Variants in UBN2 observed in about 807,000 individuals in gnomAD.
UBN2 encodes ubinuclein-2.
In UBN2, 35 loss-of-function variants were observed where a neutral mutation model predicts 120.2. The ratio of observed to expected loss-of-function variants is 0.29; its 90% CI spans 0.22 to 0.39. The LOEUF (loss-of-function observed/expected upper bound fraction) is 0.39, where lower values mean the gene tolerates loss of function less well. Among genes scored for constraint, UBN2 ranks in the 10% least tolerant of loss-of-function variants. The probability of loss-of-function intolerance (pLI) is 1.00; values close to 1 mark genes in which losing one functional copy is unlikely to be tolerated. For synonymous variants in UBN2, 661 were observed against 648.7 expected (o/e 1.02, Z -0.29); for missense variants, 1,693 against 1,663.2 (o/e 1.02, Z -0.31).
chr7:139,236,306 T>C (rs1796161512), intron 1 of UBN2, among the ~76,000 whole-genome samples: 1 of 152,246 alleles, frequency 6.6e-6, no homozygotes, highest in Non-Finnish European at 1.5e-5. Context: ...ATTTCTCTTT[T>C]CTAGCTTTGT....
the UBN2 span, among the ~76,000 whole-genome samples, chr7:139,314,716 C>T: frequency 6.6e-6 from 1 of 151,892 alleles, no homozygotes; most frequent in Non-Finnish European, 1.5e-5. Context: ...GAACTCCTGA[C>T]TTCAGGGGAT....
rs1198278565 is a variant in UBN2, at chr7:139,306,035, T to C, written c.*8199T>C. On this transcript the variant is annotated 3_prime_UTR_variant, in exon 18 of 18. Transcript: ENST00000473989. ...TGCTAATAATAATATAATGATTTTA[T>C]TGTAAATCTGTGTTTTAAATATTTT... The C allele has an allele frequency of 6.6e-6, 1 of 152,236 alleles. No homozygotes were observed. Among genetic ancestry groups the C allele is most frequent in the African/African-American group, 2.4e-5 (1 of 41,462 alleles). 9.4% of individuals were successfully genotyped at this position (152,236 alleles called of 1,614,324 possible). A position where few individuals can be genotyped will look rare whatever the true frequency, so the allele number is the denominator to read the frequency against.
chr7:139,312,355 G>A (rs1002051119), downstream of UBN2, among the ~76,000 whole-genome samples: 8 of 152,134 alleles, frequency 5.3e-5, no homozygotes, highest in East Asian at 5.8e-4. Flanking sequence ...GTTGCTATGC[G>A]TACATTTAGG....
chr7:139,329,854 CA>C, the UBN2 span, among the ~76,000 whole-genome samples: 129 of 152,198 alleles, frequency 8.5e-4, no homozygotes, highest in African/African-American at 2.9e-3. Flanking sequence ...GGGCCACTAA[CA>C]TAACTGGAAA....
chr7:139,293,562 G>T, intron 16 of UBN2, 99 bp downstream of exon 16: 8 of 902,824 alleles, frequency 8.9e-6, no homozygotes, highest in Non-Finnish European at 1.3e-5. Context: ...TGGAGTTAAT[G>T]AAGATTATAG....
the UBN2 span, among the ~76,000 whole-genome samples, chr7:139,327,085 A>G: frequency 1.3e-5 from 2 of 152,126 alleles, no homozygotes; most frequent in African/African-American, 2.4e-5. Flanking sequence ...CCAGGCTGGA[A>G]TGCAATGGCG....
At chr7:139,242,690 A>C (rs1294960041) in intron 2 of UBN2, among the ~76,000 whole-genome samples, 1 of 152,228 alleles carries the variant, frequency 6.6e-6, no homozygotes, top group Admixed American at 6.5e-5. Flanking sequence ...AATTGAATAA[A>C]TTCTCTTCAG....
the UBN2 span, among the ~76,000 whole-genome samples, chr7:139,324,752 C>T: frequency 2.0e-5 from 3 of 152,050 alleles, no homozygotes; most frequent in Admixed American, 2.0e-4. Flanking sequence ...GGGCAGATCT[C>T]CTCAGGTCAG....
chr7:139,283,312 G>A lies in UBN2; in HGVS notation c.2407G>A (p.Glu803Lys). Residue 803 changes from glutamate (E) to lysine (K), a missense_variant, in exon 15 of 18, where the codon GAA becomes AAA. Glu to Lys is a moderately conservative substitution (Grantham distance 56). Transcript: ENST00000473989. Reference sequence around the variant, plus strand: ...CACAAAGCCTCGTCCAGGACTGAGAGAAGAAAAATTAGCAAGTATCATGAG... The same window carrying A: ...CACAAAGCCTCGTCCAGGACTGAGAAAAGAAAAATTAGCAAGTATCATGAG... ...PTTKPRPGLR[E>K]EKLASIMSKL... The A allele has an allele frequency of 1.9e-6, 3 of 1,613,952 alleles. No homozygotes were observed. The highest frequency in any genetic ancestry group is 2.5e-6 in the Non-Finnish European group (3 of 1,180,008).
Position 139,261,331 on chromosome 7 carries a change from A to G in UBN2, c.985A>G (p.Arg329Gly), listed in dbSNP as rs751052666. ...KDSLSLAAMI[R>G]KFQKEKDALK... ...TTCTCTTTCTCTAGCTGCCATGATTAGAAAATTCCAGAAAGAGAAGGATGC... is the reference window on the plus strand; with the variant it reads ...TTCTCTTTCTCTAGCTGCCATGATTGGAAAATTCCAGAAAGAGAAGGATGC... The change falls in exon 6 of 18, where the codon AGA becomes GGA. Residue 329 changes from arginine to glycine, a missense_variant. By Grantham distance (125) the Arg-to-Gly change is moderately radical. Around this residue, in one of 5 missense-constraint regions of UBN2, gnomAD observed 663 missense variants for 591.2 expected, o/e 1.12. Transcript: ENST00000473989. The G allele has an allele frequency of 1.2e-6, 2 of 1,614,232 alleles. No individual in the cohort carries two copies. The highest frequency in any genetic ancestry group is 2.2e-5 in the South Asian group (2 of 91,086).
At chr7:139,317,484 T>TA in the UBN2 span, among the ~76,000 whole-genome samples, 1 of 152,302 alleles carries the variant, frequency 6.6e-6, no homozygotes, top group African/African-American at 2.4e-5. Flanking sequence ...TTCTCTTACT[T>TA]ACATCCATTT....
At chr7:139,278,263 C>T (rs1297862396) in intron 12 of UBN2, among the ~76,000 whole-genome samples, 2 of 149,824 alleles carry the variant, frequency 1.3e-5, no homozygotes, top group African/African-American at 2.5e-5. Context: ...CTCGCTGCAA[C>T]GTCCATCTCC....
Position 139,293,999 on chromosome 7 carries a change from T to A in UBN2, c.3994+18T>A, listed in dbSNP as rs1249770399. ...ATTTCACGGTGAGAACGCCACCTCC[T>A]TCATCTCTTTCTTATTTGTATAGGC... On this transcript the variant is annotated intron_variant, in intron 17 of 17. Coordinates refer to ENST00000473989, the MANE Select transcript of UBN2 (RefSeq NM_173569.4). 1.2e-6 allele frequency: 2 copies of A among 1,605,570 alleles called. No homozygotes were observed. Among genetic ancestry groups the A allele is most frequent in the Admixed American group, 3.3e-5 (2 of 59,956 alleles).
intron 3 of UBN2, among the ~76,000 whole-genome samples, chr7:139,256,617 T>C (rs1457757727): frequency 6.6e-6 from 1 of 152,190 alleles, no homozygotes; most frequent in Non-Finnish European, 1.5e-5. Context: ...TACAAAACAA[T>C]GTAGGCAAAG....
chr7:139,319,676 C>G, the UBN2 span, among the ~76,000 whole-genome samples: 26 of 152,298 alleles, frequency 1.7e-4, no homozygotes, highest in African/African-American at 4.1e-4. Flanking sequence ...CGTTCCTGCT[C>G]TCTTTCTGGG....
intron 2 of UBN2, among the ~76,000 whole-genome samples, chr7:139,245,410 CT>C (rs1466624410): frequency 5.9e-5 from 9 of 152,058 alleles, no homozygotes; most frequent in Admixed American, 5.9e-4. Flanking sequence ...AGCTTTAAGT[CT>C]TTTATTTGCT....
At chr7:139,240,455 T>TATATATATATATA (rs367875599) in intron 2 of UBN2, among the ~76,000 whole-genome samples, 19 of 63,096 alleles carry the variant, frequency 3.0e-4, no homozygotes, top group African/African-American at 9.7e-4. Context: ...TATATATATA[T>TATATATATATATA]TTTTTTTTTT....
Position 139,243,087 on chromosome 7 carries a change from G to A in UBN2, c.561+5990G>A, listed in dbSNP as rs190882897. Reference sequence around the variant, plus strand: ...GCTGGAGGCAATTTGGGGTCAGGGGGTCTAGTACTAAGAACATCTTGTTTG... The same window carrying A: ...GCTGGAGGCAATTTGGGGTCAGGGGATCTAGTACTAAGAACATCTTGTTTG... On this transcript the variant is annotated intron_variant, in intron 2 of 17. Coordinates refer to ENST00000473989, the MANE Select transcript of UBN2 (RefSeq NM_173569.4). 4.6e-3 allele frequency among the ~76,000 whole-genome samples: 695 copies of A among 152,250 alleles called. 4 individuals are homozygous for A. The highest frequency in any genetic ancestry group is 0.016 in the African/African-American group (669 of 41,556).
At chr7:139,252,221 GA>G (rs1796642365) in intron 3 of UBN2, among the ~76,000 whole-genome samples, 164 bp downstream of exon 3, 1 of 146,632 alleles carries the variant, frequency 6.8e-6, no homozygotes, top group Admixed American at 6.8e-5. Context: ...TTTTTTTAAA[GA>G]ATACTGCAGA....
Sources: allele counts gnomAD v4.1 joint callset (sites outside exome capture counted in the v4.1 genomes callset), GRCh38; gene constraint gnomAD v4.1.1; regional missense constraint gnomAD v4.1.1; transcripts MANE v1.5; gene names NCBI Gene and HGNC (gene_info 2026-07-23, HGNC 2026-07-21).